RPN2: variants seen among roughly 807,000 people sequenced by gnomAD.
RPN2 encodes the protein dolichyl-diphosphooligosaccharide--protein glycosyltransferase subunit 2.
RPN2 carries 29 observed loss-of-function variants against 71.4 expected under a neutral mutation model. The ratio of observed to expected loss-of-function variants is 0.41; its 90% CI spans 0.30 to 0.55. The LOEUF (loss-of-function observed/expected upper bound fraction) is 0.55, where lower values mean the gene tolerates loss of function less well. Among genes scored for constraint, RPN2 ranks in the 20% least tolerant of loss-of-function variants. The pLI is 0.35. For missense variants in RPN2, 726 were observed against 774.1 expected (o/e 0.94, Z 0.74); for synonymous variants, 308 against 305.0 (o/e 1.01, Z -0.10).
intron 9 of RPN2, among the ~76,000 whole-genome samples, chr20:37,216,688 T>G (rs1362725044): frequency 6.6e-6 from 1 of 152,038 alleles, no homozygotes; most frequent in African/African-American, 2.4e-5. Context: ...TCTCCAACTT[T>G]TGGCCTCAAA....
intron 9 of RPN2, among the ~76,000 whole-genome samples, chr20:37,223,386 C>T (rs960616385): frequency 6.6e-6 from 1 of 152,172 alleles, no homozygotes; most frequent in African/African-American, 2.4e-5. Context: ...TTGAGCAAAG[C>T]AGCTTCATCT....
Position 37,241,346 on chromosome 20 carries a change from TG to T in RPN2, c.*32del. The T allele has an allele frequency of 1.2e-6, 2 of 1,610,720 alleles. No individual in the cohort carries two copies. The highest frequency in any genetic ancestry group is 1.7e-6 in the Non-Finnish European group (2 of 1,178,020). On this transcript the variant is annotated 3_prime_UTR_variant, in exon 17 of 17. Coordinates refer to ENST00000237530, the MANE Select transcript of RPN2 (RefSeq NM_002951.5). ...GAAGAAAGATGGAAATTCTGAAAACTGAATGTCAAGAAAAGGAGTCAAGAAC... is the reference window on the plus strand; with the variant it reads ...GAAGAAAGATGGAAATTCTGAAAACTAATGTCAAGAAAAGGAGTCAAGAAC...
chr20:37,189,425 T>TA (rs1349912068), intron 2 of RPN2, among the ~76,000 whole-genome samples: 1 of 151,922 alleles, frequency 6.6e-6, no homozygotes, highest in Non-Finnish European at 1.5e-5. Context: ...GTTAAATAGT[T>TA]ACTAGACTGG....
In RPN2 at chr20:37,226,314, C is replaced by T. The variant is rs1260379561; in HGVS notation, c.1299+512C>T. On this transcript the variant is annotated intron_variant, in intron 11 of 16. Transcript: ENST00000237530. ...TCTCATCTCCTGACCTCAGGTGATC[C>T]GCCTGCCTCAGCCTCCCAAAGTGGT... Among the ~76,000 whole-genome samples, 4 of 152,238 alleles carry T rather than the reference C, an allele frequency of 2.6e-5. No individual in the cohort carries two copies. In the South Asian group the frequency reaches 6.2e-4, roughly 24 times the overall value.
chr20:37,227,360 C>G (rs1470378012), intron 11 of RPN2, among the ~76,000 whole-genome samples: 4 of 152,250 alleles, frequency 2.6e-5, no homozygotes, highest in South Asian at 2.1e-4. Context: ...ATCCAGAATT[C>G]TGCTGTAGAA....
chr20:37,214,863 G>A (rs1282389095), intron 9 of RPN2, among the ~76,000 whole-genome samples: 1 of 151,994 alleles, frequency 6.6e-6, no homozygotes, highest in Non-Finnish European at 1.5e-5. Context: ...TGTCTTGTGG[G>A]GTGGTACTTT....
chr20:37,196,560 G>A (rs1319348103), intron 2 of RPN2, among the ~76,000 whole-genome samples: 1 of 151,872 alleles, frequency 6.6e-6, no homozygotes, highest in African/African-American at 2.4e-5. Flanking sequence ...ACAGGATGTT[G>A]CCCTGCCACC....
At chr20:37,205,789 G>A (rs2067498326) in intron 6 of RPN2, among the ~76,000 whole-genome samples, 1 of 152,164 alleles carries the variant, frequency 6.6e-6, no homozygotes, top group Non-Finnish European at 1.5e-5. Context: ...TGTTATGGGT[G>A]AAATTGCAAG....
rs113659590 is a variant in RPN2, at chr20:37,232,022, C to A, written c.1582-274C>A. ...CCACTTGATGGATTGCATTCTCTGG[C>A]CTCTGAATGGCAGTGAGTCTTTGAA... is the stretch of plus-strand genomic sequence containing the variant. On this transcript the variant is annotated intron_variant, in intron 13 of 16. Transcript: ENST00000237530. Among the ~76,000 whole-genome samples the A allele has an allele frequency of 3.2e-4, 48 of 152,230 alleles. 1 individual carries two copies. Among genetic ancestry groups the A allele is most frequent in the African/African-American group, 1.1e-3 (46 of 41,530 alleles).
At chr20:37,238,528 T>G in intron 16 of RPN2, 1 of 1,040,490 alleles carries the variant, frequency 9.6e-7, no homozygotes, top group Non-Finnish European at 1.5e-6. Flanking sequence ...CAGTTATCTC[T>G]CTAGTTTTCA....
intron 9 of RPN2, among the ~76,000 whole-genome samples, chr20:37,217,750 G>A (rs1329018601): frequency 2.9e-5 from 2 of 70,150 alleles, no homozygotes; most frequent in Non-Finnish European, 7.2e-5. Flanking sequence ...CTTTTTTTGA[G>A]ATGGAATCTT....
At chr20:37,224,353 G>T (rs907957908) in intron 10 of RPN2, among the ~76,000 whole-genome samples, 1 of 152,132 alleles carries the variant, frequency 6.6e-6, no homozygotes, top group African/African-American at 2.4e-5. Flanking sequence ...TTACATTCTG[G>T]TGCGATCTCC....
chr20:37,192,770 AG>A (rs886787677), intron 2 of RPN2, among the ~76,000 whole-genome samples: 4 of 152,206 alleles, frequency 2.6e-5, no homozygotes, highest in African/African-American at 9.7e-5. Context: ...GGGATTTTAT[AG>A]GGGTAGAATA....
At chr20:37,215,801 T>C (rs139244870) in intron 9 of RPN2, among the ~76,000 whole-genome samples, 36 of 152,234 alleles carry the variant, frequency 2.4e-4, no homozygotes, top group African/African-American at 5.5e-4. Context: ...GTATCTTGTT[T>C]TAATGTCTTT....
chr20:37,205,535 G>A (rs2067493288), intron 6 of RPN2, among the ~76,000 whole-genome samples: 1 of 152,090 alleles, frequency 6.6e-6, no homozygotes, highest in Non-Finnish European at 1.5e-5. Context: ...TAAAATACAA[G>A]CTGCTTTTAT....
At chr20:37,237,224 G>A (rs1054403498) in intron 16 of RPN2, among the ~76,000 whole-genome samples, 2 of 152,084 alleles carry the variant, frequency 1.3e-5, no homozygotes, top group African/African-American at 2.4e-5. Context: ...CCATCTCCCC[G>A]GGACCCAGAC....
In RPN2 at chr20:37,241,423, G is replaced by GA. The variant is rs1264026607; in HGVS notation, c.*114dup. The GA allele has an allele frequency of 1.5e-6, 2 of 1,324,736 alleles. No homozygotes were observed. The allele number at this position is 1,324,736 out of a possible 1,614,324, so 82.1% of individuals were successfully genotyped here. On this transcript the variant is annotated 3_prime_UTR_variant, in exon 17 of 17. Transcript: ENST00000237530. ...GAAAAAAAAAACTTTATTTAAAAAA[G>GA]AAAAAAGTCCAGATTGTAGTTATAC...
At chr20:37,237,090 C>T (rs142670099) in intron 16 of RPN2, among the ~76,000 whole-genome samples, 3 of 152,222 alleles carry the variant, frequency 2.0e-5, no homozygotes, top group Non-Finnish European at 4.4e-5. Context: ...GAGAGCTGCT[C>T]CTCTGTAACC....
chr20:37,198,565 C>A, intron 3 of RPN2, 73 bp downstream of exon 3: 1 of 1,606,616 alleles, frequency 6.2e-7, no homozygotes, highest in South Asian at 1.1e-5. Context: ...GGAGTCATGT[C>A]AAACATCCTT....
Sources: gnomAD v4.1 joint callset for allele counts (sites outside exome capture counted in the v4.1 genomes callset) on GRCh38, gnomAD v4.1.1 for gene constraint, MANE v1.5 for transcripts, NCBI Gene and HGNC (gene_info 2026-07-23, HGNC 2026-07-21) for gene names.